The following ANXA4 variants were observed in gnomAD, a reference collection of about 807,000 sequenced individuals.
The protein encoded by ANXA4 is annexin A4.
ANXA4 carries 39 observed loss-of-function variants against 49.8 expected under a neutral mutation model. The ratio of observed to expected loss-of-function variants is 0.78; its 90% CI spans 0.61 to 1.02. The LOEUF (loss-of-function observed/expected upper bound fraction) is 1.02, where lower values mean the gene tolerates loss of function less well. ANXA4 is among the 50% of genes least tolerant of loss of function. The pLI, the probability that ANXA4 is intolerant of heterozygous loss-of-function variation, is 0.00. For missense variants in ANXA4, 360 were observed against 410.1 expected, an observed-to-expected ratio of 0.88 and a Z score of 1.05; for synonymous variants, 134 against 152.5, an observed-to-expected ratio of 0.88 and a Z score of 0.89.
intron 3 of ANXA4, among the ~76,000 whole-genome samples, chr2:69,797,954 G>A (rs1673011238): frequency 6.6e-6 from 1 of 152,186 alleles, no homozygotes; most frequent in African/African-American, 2.4e-5. Context: ...CAGTAACTTT[G>A]CCTCCATATG....
At chr2:69,818,763 TG>T in intron 10 of ANXA4, 69 bp downstream of exon 10, 1 of 956,818 alleles carries the variant, frequency 1.0e-6, no homozygotes, top group Non-Finnish European at 1.6e-6. Flanking sequence ...GTTTGCAATA[TG>T]GGGATATAGA....
At chr2:69,690,307 C>T (rs1171272912) in intron 2 of ANXA4, among the ~76,000 whole-genome samples, 2 of 152,234 alleles carry the variant, frequency 1.3e-5, no homozygotes, top group South Asian at 2.1e-4. Flanking sequence ...TGTGCTATCT[C>T]GACTCACTGC....
intron 1 of ANXA4, among the ~76,000 whole-genome samples, chr2:69,771,583 G>T (rs187563309): frequency 6.6e-4 from 101 of 152,314 alleles, no homozygotes; most frequent in Admixed American, 1.8e-3. Flanking sequence ...GCACCACACT[G>T]TTACCTCCAC....
upstream of ANXA4, chr2:69,644,007 C>G (rs967247681): frequency 3.7e-6 from 2 of 540,002 alleles, no homozygotes; most frequent in African/African-American, 2.0e-5. Flanking sequence ...TCGGCACAGT[C>G]CGGCTGCTGG....
intron 2 of ANXA4, among the ~76,000 whole-genome samples, chr2:69,699,343 A>T (rs867757196): frequency 1.3e-5 from 2 of 152,240 alleles, no homozygotes; most frequent in African/African-American, 4.8e-5. Context: ...GGACACCCAC[A>T]TAGTAAGAAA....
intron 3 of ANXA4, among the ~76,000 whole-genome samples, chr2:69,725,571 C>T (rs72839807): frequency 0.19 from 28,319 of 151,880 alleles, 3,164 homozygotes; most frequent in East Asian, 0.35. Flanking sequence ...GTGTAGCCAC[C>T]GCCCCCATTA....
At chr2:69,720,175 G>A (rs1669780914) in intron 2 of ANXA4, among the ~76,000 whole-genome samples, 1 of 152,188 alleles carries the variant, frequency 6.6e-6, no homozygotes, top group African/African-American at 2.4e-5. Flanking sequence ...CTCAGGACTT[G>A]GCCCTCGGAG....
At chr2:69,647,354 A>T (rs947784248) in intron 1 of ANXA4, among the ~76,000 whole-genome samples, 128 of 151,290 alleles carry the variant, frequency 8.5e-4, no homozygotes, top group African/African-American at 2.0e-3. Flanking sequence ...GAATTTAAAA[A>T]ATATATATAT....
At chr2:69,824,181 A>C (rs993636361) in intron 12 of ANXA4, among the ~76,000 whole-genome samples, 2 of 152,120 alleles carry the variant, frequency 1.3e-5, no homozygotes, top group African/African-American at 2.4e-5. Flanking sequence ...CCTTTCCGGA[A>C]GACTGTTTTG....
chr2:69,819,274 TGACA>T lies in ANXA4; in HGVS notation c.725-4_725-1del. The T allele has an allele frequency of 6.3e-7, 1 of 1,593,742 alleles. No individual in the cohort carries two copies. Among genetic ancestry groups the T allele is most frequent in the Admixed American group, 1.7e-5 (1 of 57,604 alleles). On this transcript the variant is annotated splice_acceptor_variant and splice_polypyrimidine_tract_variant and intron_variant, in intron 10 of 12. Transcript: ENST00000394295. LOFTEE classifies it high-confidence loss of function. ...TTTTCATTTCTTCTTTTTTTTTCTT[TGACA>T]GTAAAGTGCATGAGGAACAAATCTG... is the stretch of plus-strand genomic sequence containing the variant.
chr2:69,644,078 G>C (rs1225960728), upstream of ANXA4: 5 of 176,634 alleles, frequency 2.8e-5, no homozygotes, highest in East Asian at 7.1e-4. Context: ...TGGCCTCCAC[G>C]GCCTCGAAGG....
At chr2:69,658,376 G>A (rs1191572494) in intron 2 of ANXA4, among the ~76,000 whole-genome samples, 4 of 148,168 alleles carry the variant, frequency 2.7e-5, no homozygotes, top group Non-Finnish European at 4.4e-5. Context: ...CTCCAGCCTC[G>A]GTGACAGAGC....
rs187764731 is a variant in ANXA4 at position 69,656,206 on chromosome 2, C to T, written n.766+2924C>T. Among the ~76,000 whole-genome samples, 155 of 120,558 alleles carry T rather than the reference C, an allele frequency of 1.3e-3. No individual in the cohort carries two copies. In the East Asian group the frequency reaches 0.016, roughly 12 times the overall value. 79.1% of individuals were successfully genotyped at this position (120,558 alleles called of 152,430 possible). A position where few individuals can be genotyped will look rare whatever the true frequency, so the allele number is the denominator to read the frequency against. On this transcript the variant is annotated intron_variant and non_coding_transcript_variant, in intron 2 of 3. Transcript: ENST00000418066. ...ATATATACGTATATATATATATATA[C>T]ACACACATATATATGTATATATGTA... is the stretch of plus-strand genomic sequence containing the variant.
At chr2:69,652,565 G>T (rs1676291709) in intron 1 of ANXA4, among the ~76,000 whole-genome samples, 1 of 152,006 alleles carries the variant, frequency 6.6e-6, no homozygotes, top group South Asian at 2.1e-4. Flanking sequence ...GCACATTAAA[G>T]AATTGAACTA....
chr2:69,794,510 A>G (rs1367961295), intron 3 of ANXA4, among the ~76,000 whole-genome samples: 2 of 129,364 alleles, frequency 1.5e-5, no homozygotes, highest in Non-Finnish European at 3.2e-5. Flanking sequence ...ATGTTATATT[A>G]TGTTATGTTA....
chr2:69,815,688 C>T (rs60480902), intron 8 of ANXA4: 24,305 of 188,232 alleles, frequency 0.13, 4,674 homozygotes, highest in African/African-American at 0.42. Context: ...GGGTGACTAC[C>T]GGCTACCTGT....
chr2:69,808,112 C>A, intron 6 of ANXA4, 116 bp downstream of exon 6: 2 of 946,284 alleles, frequency 2.1e-6, no homozygotes, highest in East Asian at 2.6e-5. Flanking sequence ...CATGAGGGAT[C>A]CTCGGTGCCA....
chr2:69,722,105 G>T (rs1323689764), intron 3 of ANXA4, among the ~76,000 whole-genome samples: 1 of 152,110 alleles, frequency 6.6e-6, no homozygotes, highest in African/African-American at 2.4e-5. Context: ...GTGATTCATG[G>T]ATGTAAAATA....
chr2:69,676,584 A>G (rs947381133), intron 2 of ANXA4, among the ~76,000 whole-genome samples: 2 of 152,162 alleles, frequency 1.3e-5, no homozygotes, highest in Non-Finnish European at 2.9e-5. Flanking sequence ...GACAATTTTA[A>G]AATAAAGTAT....
Sources: allele counts gnomAD v4.1 joint callset (sites outside exome capture counted in the v4.1 genomes callset), GRCh38; gene constraint gnomAD v4.1.1; transcripts MANE v1.5; gene names NCBI Gene and HGNC (gene_info 2026-07-23, HGNC 2026-07-21).